Variants in TENM3 observed in about 807,000 individuals in gnomAD.
TENM3 encodes the protein teneurin transmembrane protein 3, also known as teneurin-3.
In TENM3, 63 loss-of-function variants were observed where a neutral mutation model predicts 255.1. The observed-to-expected ratio is 0.25, with a 90% CI of 0.20 to 0.30. The LOEUF is 0.30. Ranked by LOEUF, TENM3 falls within the 10% of genes least tolerant of loss-of-function variation. The probability of loss-of-function intolerance (pLI) is 1.00; values close to 1 mark genes in which losing one functional copy is unlikely to be tolerated. For synonymous variants in TENM3, 1,306 were observed against 1,322.3 expected, an observed-to-expected ratio of 0.99 and a Z score of 0.27; for missense variants, 2,929 against 3,461.1, an observed-to-expected ratio of 0.85 and a Z score of 3.86.
intron 3 of TENM3, among the ~76,000 whole-genome samples, chr4:182,515,407 C>T (rs969365842): frequency 6.6e-6 from 1 of 151,804 alleles, no homozygotes; most frequent in African/African-American, 2.4e-5. Flanking sequence ...ACAGTAGGAA[C>T]AATTAAAATA....
chr4:182,667,261 G>A (rs1451334904), intron 6 of TENM3, among the ~76,000 whole-genome samples: 1 of 151,950 alleles, frequency 6.6e-6, no homozygotes, highest in Non-Finnish European at 1.5e-5. Context: ...TGTGATCTCG[G>A]CTCATTGTAA....
intron 1 of TENM3, among the ~76,000 whole-genome samples, chr4:182,164,794 G>A (rs1751598945): frequency 6.6e-6 from 1 of 152,132 alleles, no homozygotes; most frequent in Admixed American, 6.5e-5. Context: ...AAGTCCCAGG[G>A]TTCTAAAAAC....
At chr4:182,617,823 C>T (rs553169200) in intron 4 of TENM3, among the ~76,000 whole-genome samples, 2 of 152,142 alleles carry the variant, frequency 1.3e-5, no homozygotes, top group Non-Finnish European at 2.9e-5. Flanking sequence ...AAATGATTCT[C>T]TTTGTCCAAG....
At chr4:181,532,038 T>C in the TENM3 span, among the ~76,000 whole-genome samples, 1 of 152,272 alleles carries the variant, frequency 6.6e-6, no homozygotes, top group Admixed American at 6.5e-5. Context: ...AGAAAAATAT[T>C]GCAGAAAGAA....
Position 182,409,240 on chromosome 4 carries a change from T to A in TENM3, c.511+62311T>A, listed in dbSNP as rs1022569998. Among the ~76,000 whole-genome samples the A allele has an allele frequency of 3.9e-5, 6 of 152,200 alleles. No homozygotes were observed. In the South Asian group the frequency reaches 1.0e-3, roughly 26 times the overall value. On this transcript the variant is annotated intron_variant, in intron 3 of 27. Coordinates refer to ENST00000511685, the MANE Select transcript of TENM3 (RefSeq NM_001080477.4). ...ATCTCCCAACCAGAAAGCTCTCTCT[T>A]ACCTGTTGGAGAACCTGGCATCCCA...
the TENM3 span, among the ~76,000 whole-genome samples, chr4:182,002,582 A>G: frequency 1.3e-5 from 2 of 152,110 alleles, no homozygotes; most frequent in South Asian, 4.1e-4. Flanking sequence ...CAATAAGACC[A>G]GGTTCCTACC....
intron 12 of TENM3, among the ~76,000 whole-genome samples, chr4:182,700,773 C>T (rs1757790362): frequency 6.6e-6 from 1 of 152,182 alleles, no homozygotes; most frequent in African/African-American, 2.4e-5. Flanking sequence ...GAATCTACTA[C>T]ATCTAAATGT....
chr4:182,795,209 C>T (rs916205073), intron 26 of TENM3, among the ~76,000 whole-genome samples: 1 of 152,150 alleles, frequency 6.6e-6, no homozygotes, highest in South Asian at 2.1e-4. Flanking sequence ...GATTCAGCAG[C>T]ACCCTTATTC....
At chr4:181,585,342 C>A in the TENM3 span, among the ~76,000 whole-genome samples, 1 of 152,212 alleles carries the variant, frequency 6.6e-6, no homozygotes, top group South Asian at 2.1e-4. Context: ...ACGTGTTGTT[C>A]TTATTTGTAT....
the TENM3 span, among the ~76,000 whole-genome samples, chr4:181,558,475 T>C: frequency 2.0e-5 from 3 of 152,204 alleles, no homozygotes; most frequent in African/African-American, 7.2e-5. Flanking sequence ...ATATGAACTA[T>C]TCAATACGGG....
At chr4:182,771,998 C>A (rs1240847242) in intron 22 of TENM3, among the ~76,000 whole-genome samples, 4 of 152,126 alleles carry the variant, frequency 2.6e-5, no homozygotes, top group African/African-American at 9.7e-5. Context: ...CATGATCTGA[C>A]CGATACTGTC....
the TENM3 span, among the ~76,000 whole-genome samples, chr4:181,854,548 G>A: frequency 1.3e-5 from 2 of 152,142 alleles, no homozygotes; most frequent in Non-Finnish European, 2.9e-5. Flanking sequence ...CTGTTAAATT[G>A]CAAATAAATT....
At chr4:182,560,027 C>G (rs1742988173) in intron 3 of TENM3, among the ~76,000 whole-genome samples, 1 of 151,350 alleles carries the variant, frequency 6.6e-6, no homozygotes, top group Non-Finnish European at 1.5e-5. Context: ...CTCATGTACC[C>G]CACAAATATA....
At chr4:181,452,603 G>T in the TENM3 span, among the ~76,000 whole-genome samples, 1 of 152,146 alleles carries the variant, frequency 6.6e-6, no homozygotes, top group African/African-American at 2.4e-5. Flanking sequence ...CCCCAGCCAG[G>T]CTGAACTGTG....
At chr4:181,933,115 T>G in the TENM3 span, among the ~76,000 whole-genome samples, 1 of 152,084 alleles carries the variant, frequency 6.6e-6, no homozygotes, top group Non-Finnish European at 1.5e-5. Context: ...CATACCTATA[T>G]AACAAACCTG....
At chr4:181,776,892 T>C in the TENM3 span, among the ~76,000 whole-genome samples, 1 of 152,128 alleles carries the variant, frequency 6.6e-6, no homozygotes, top group Non-Finnish European at 1.5e-5. Flanking sequence ...CTCTTTACTC[T>C]GTTGATTATT....
At chr4:181,856,562 C>T in the TENM3 span, among the ~76,000 whole-genome samples, 6 of 152,186 alleles carry the variant, frequency 3.9e-5, no homozygotes, top group African/African-American at 9.7e-5. Flanking sequence ...CATCAATGCC[C>T]GTGCCTTATG....
At chr4:181,504,600 T>C in the TENM3 span, among the ~76,000 whole-genome samples, 1 of 152,180 alleles carries the variant, frequency 6.6e-6, no homozygotes, top group African/African-American at 2.4e-5. Context: ...TTCAGGATAG[T>C]TCTAGCAGTA....
At chr4:181,928,879 C>T in the TENM3 span, among the ~76,000 whole-genome samples, 75 of 152,302 alleles carry the variant, frequency 4.9e-4, no homozygotes, top group East Asian at 0.013. Context: ...CAATATTCAA[C>T]TTTCTTAAAG....
Sources: allele counts gnomAD v4.1 joint callset (sites outside exome capture counted in the v4.1 genomes callset), GRCh38; gene constraint gnomAD v4.1.1; transcripts MANE v1.5; gene names NCBI Gene and HGNC (gene_info 2026-07-23, HGNC 2026-07-21).